Variants in CTNNA2 observed in about 807,000 individuals in gnomAD.
The protein encoded by CTNNA2 is catenin alpha 2, also known as catenin alpha-2.
A neutral mutation model predicts 101.0 loss-of-function variants in CTNNA2; 42 were observed. The observed-to-expected ratio is 0.42, with a 90% confidence interval of 0.32 to 0.54. The LOEUF (loss-of-function observed/expected upper bound fraction) is 0.54, where lower values mean the gene tolerates loss of function less well. Among genes scored for constraint, CTNNA2 ranks in the 20% least tolerant of loss-of-function variants. The pLI, the probability that CTNNA2 is intolerant of heterozygous loss-of-function variation, is 0.14. For missense variants in CTNNA2, 871 were observed against 1,223.1 expected, an observed-to-expected ratio of 0.71 and a Z score of 4.29; for synonymous variants, 450 against 456.4, an observed-to-expected ratio of 0.99 and a Z score of 0.18.
intron 7 of CTNNA2, among the ~76,000 whole-genome samples, chr2:80,231,307 A>G (rs1709197139): frequency 6.6e-6 from 1 of 152,056 alleles, no homozygotes; most frequent in Admixed American, 6.5e-5. Flanking sequence ...GTTTGAATCC[A>G]TTCTGATCAT....
At chr2:79,220,579 G>T (rs1446082524) in intron 2 of CTNNA2, among the ~76,000 whole-genome samples, 1 of 152,002 alleles carries the variant, frequency 6.6e-6, no homozygotes. Context: ...GAGGCAAGGA[G>T]GGCGATACAA....
chr2:80,488,746 T>C (rs909644992), intron 9 of CTNNA2, among the ~76,000 whole-genome samples: 1 of 152,210 alleles, frequency 6.6e-6, no homozygotes, highest in African/African-American at 2.4e-5. Flanking sequence ...TTTATAGTCA[T>C]AGAACTAAGT....
intron 1 of CTNNA2, among the ~76,000 whole-genome samples, chr2:79,642,779 T>C (rs566755708): frequency 1.8e-5 from 1 of 54,336 alleles, no homozygotes; most frequent in East Asian, 2.7e-3. Context: ...ATTTCTCCTG[T>C]TTTTTTTTTT....
chr2:79,803,825 G>C (rs1676356705), intron 3 of CTNNA2, among the ~76,000 whole-genome samples: 1 of 152,230 alleles, frequency 6.6e-6, no homozygotes, highest in Non-Finnish European at 1.5e-5. Context: ...ATGTGTATAA[G>C]TTTTATTACA....
At chr2:79,321,596 T>C (rs538722455) in intron 3 of CTNNA2, among the ~76,000 whole-genome samples, 1 of 152,316 alleles carries the variant, frequency 6.6e-6, no homozygotes, top group African/African-American at 2.4e-5. Context: ...TGCTTTCTTA[T>C]GATGTACCAT....
intron 3 of CTNNA2, chr2:79,312,813 A>G (rs1378977279): frequency 2.6e-5 from 4 of 152,222 alleles, no homozygotes; most frequent in African/African-American, 9.6e-5. Flanking sequence ...AAACAAGGGT[A>G]TGTTTTATCC....
At chr2:80,195,429 G>T (rs1261023022) in intron 7 of CTNNA2, among the ~76,000 whole-genome samples, 6 of 152,002 alleles carry the variant, frequency 3.9e-5, no homozygotes, top group Non-Finnish European at 8.8e-5. Context: ...TATTTGAAAG[G>T]TAAAATAAAC....
chr2:80,047,986 G>T (rs1261806653), intron 7 of CTNNA2, among the ~76,000 whole-genome samples: 1 of 152,070 alleles, frequency 6.6e-6, no homozygotes, highest in African/African-American at 2.4e-5. Context: ...GTGTTTTATT[G>T]CCCCTATGGC....
chr2:79,871,028 C>T (rs531775211), intron 5 of CTNNA2, among the ~76,000 whole-genome samples: 87 of 152,258 alleles, frequency 5.7e-4, no homozygotes, highest in Admixed American at 2.8e-3. Context: ...TTGTTCCCAT[C>T]GAGTGGGTTT....
chr2:79,758,176 A>G (rs1289480346), intron 3 of CTNNA2, among the ~76,000 whole-genome samples: 2 of 152,194 alleles, frequency 1.3e-5, no homozygotes, highest in Non-Finnish European at 2.9e-5. Flanking sequence ...GTTAACACAT[A>G]AAGATAAAGA....
intron 2 of CTNNA2, among the ~76,000 whole-genome samples, chr2:79,250,056 A>G (rs1674750427): frequency 6.6e-6 from 1 of 152,090 alleles, no homozygotes; most frequent in Non-Finnish European, 1.5e-5. Flanking sequence ...GCTACATCCC[A>G]TTGACTGCAC....
At chr2:79,240,375 C>A (rs1674611782) in intron 2 of CTNNA2, among the ~76,000 whole-genome samples, 1 of 152,102 alleles carries the variant, frequency 6.6e-6, no homozygotes, top group African/African-American at 2.4e-5. Context: ...TCCTCCCACC[C>A]TCTATCCTCA....
At chr2:80,578,482 C>T (rs1454352978) in intron 13 of CTNNA2, among the ~76,000 whole-genome samples, 1 of 152,090 alleles carries the variant, frequency 6.6e-6, no homozygotes, top group African/African-American at 2.4e-5. Flanking sequence ...CTTTGACCAA[C>T]TAAAAAATAG....
rs529771922 is a variant in CTNNA2 at position 80,608,079 on chromosome 2, A to C, written c.2296-105A>C. The stretch of plus-strand genomic sequence containing the variant: ...AAAGTTAAGTTAAATGAATGTAATT[A>C]AGGTATATGACACTGAAAACTTTTC... On this transcript the variant is annotated intron_variant, in intron 16 of 18. Coordinates refer to ENST00000402739, the MANE Select transcript of CTNNA2 (RefSeq NM_001282597.3). The C allele has an allele frequency of 1.2e-5, 12 of 1,012,734 alleles. No individual in the cohort carries two copies. In the African/African-American group the frequency reaches 1.4e-4, roughly 12 times the overall value. 62.7% of individuals were successfully genotyped at this position (1,012,734 alleles called of 1,614,324 possible).
chr2:80,457,269 G>C (rs1014406426), intron 9 of CTNNA2, among the ~76,000 whole-genome samples: 1 of 151,952 alleles, frequency 6.6e-6, no homozygotes, highest in Non-Finnish European at 1.5e-5. Context: ...TCGCCGTGTT[G>C]GCAAGGCTGG....
At chr2:79,630,041 G>C (rs879293062) in intron 1 of CTNNA2, among the ~76,000 whole-genome samples, 2 of 152,082 alleles carry the variant, frequency 1.3e-5, no homozygotes, top group Non-Finnish European at 2.9e-5. Flanking sequence ...GACAACCAAG[G>C]ATCACCTCTA....
chr2:80,375,756 G>T (rs1469694818), intron 7 of CTNNA2, among the ~76,000 whole-genome samples: 1 of 151,676 alleles, frequency 6.6e-6, no homozygotes, highest in African/African-American at 2.4e-5. Context: ...GTAGAAACAG[G>T]GTTTTACTGT....
chr2:79,741,388 G>A (rs1227796311), intron 2 of CTNNA2, among the ~76,000 whole-genome samples: 2 of 151,838 alleles, frequency 1.3e-5, no homozygotes, highest in African/African-American at 2.4e-5. Context: ...ACTGATCCGA[G>A]TGAGAGACTT....
intron 1 of CTNNA2, among the ~76,000 whole-genome samples, chr2:79,616,548 G>T (rs1379725208): frequency 1.3e-5 from 2 of 152,082 alleles, no homozygotes; most frequent in African/African-American, 4.8e-5. Flanking sequence ...CTGTAAAGAA[G>T]CTACAACTTA....
Sources: gnomAD v4.1 joint callset for allele counts (sites outside exome capture counted in the v4.1 genomes callset) on GRCh38, gnomAD v4.1.1 for gene constraint, MANE v1.5 for transcripts, NCBI Gene and HGNC (gene_info 2026-07-23, HGNC 2026-07-21) for gene names.